The following FAM135B variants were observed in gnomAD, a reference collection of about 807,000 sequenced individuals.
The protein encoded by FAM135B is protein FAM135B.
A neutral mutation model predicts 127.7 loss-of-function variants in FAM135B; 43 were observed. The ratio of observed to expected loss-of-function variants is 0.34; its 90% CI spans 0.26 to 0.43. The LOEUF is 0.43. FAM135B is among the 20% of genes least tolerant of loss of function. The pLI, the probability that FAM135B is intolerant of heterozygous loss-of-function variation, is 1.00. For missense variants in FAM135B, 1,558 were observed against 1,725.6 expected (o/e 0.90, Z 1.72); for synonymous variants, 670 against 665.1 (o/e 1.01, Z -0.11).
intron 2 of FAM135B, among the ~76,000 whole-genome samples, chr8:138,341,457 CAG>C (rs1829041589): frequency 6.6e-6 from 1 of 152,140 alleles, no homozygotes; most frequent in Non-Finnish European, 1.5e-5. Context: ...TTAGTGGGTT[CAG>C]AGTTTCAGCT....
intron 8 of FAM135B, among the ~76,000 whole-genome samples, chr8:138,196,891 C>T (rs1816673680): frequency 6.6e-6 from 1 of 152,216 alleles, no homozygotes; most frequent in Non-Finnish European, 1.5e-5. Flanking sequence ...CTGAGCAACG[C>T]TTTTACCTCT....
intron 7 of FAM135B, among the ~76,000 whole-genome samples, chr8:138,233,272 C>T (rs115874210): frequency 0.012 from 1,824 of 152,252 alleles, 38 homozygotes; most frequent in African/African-American, 0.041. Context: ...TCTAAACTCA[C>T]CAAATTGTAG....
chr8:138,169,143 CTA>C (rs578178661), intron 11 of FAM135B, among the ~76,000 whole-genome samples: 13 of 151,968 alleles, frequency 8.6e-5, no homozygotes, highest in African/African-American at 3.1e-4. Context: ...TACATATTAA[CTA>C]TGATTTCATA....
intron 2 of FAM135B, among the ~76,000 whole-genome samples, chr8:138,352,074 T>C (rs1008851085): frequency 6.6e-6 from 1 of 152,162 alleles, no homozygotes. Flanking sequence ...CTGTGCATAA[T>C]ACTCTAGGTC....
In FAM135B at chr8:138,132,773, G is replaced by A. The variant is rs1167814007; in HGVS notation, c.4041C>T (p.Asn1347=). Residue 1347 remains asparagine, a synonymous_variant, in exon 20 of 20, where the codon AAC becomes AAT. Transcript: ENST00000395297. This position sits in a 1 kb window ranked among gnomAD's most constrained non-coding sequence, Gnocchi z 4.5. ...CTTCAACCAGAGGGCCCAGGAGGTT[G>A]TTGATCATTTCTGCATAAACTGGCC... ...HTGPVYAEMI[N]NLLGPLVEAK... is the part of the protein sequence containing the mutation. The A allele has an allele frequency of 6.2e-7, 1 of 1,614,144 alleles. No homozygotes were observed. Among genetic ancestry groups the A allele is most frequent in the Non-Finnish European group, 8.5e-7 (1 of 1,179,994 alleles).
chr8:138,306,374 G>A (rs1284640270), intron 3 of FAM135B, among the ~76,000 whole-genome samples: 1 of 150,156 alleles, frequency 6.7e-6, no homozygotes, highest in Non-Finnish European at 1.5e-5. Context: ...GGTGGAGGTT[G>A]TGGTGAGCCG....
chr8:138,168,008 G>C lies in FAM135B; in HGVS notation c.1145C>G (p.Ser382Trp), dbSNP rs567971711. ...HSQLSLDIRN[S>W]EYLTSMPPLP... ...CGGGGGCATGCTAGTGAGGTACTCC[G>C]AGTTCCGGATATCCAGGGACAGCTG... The change falls in exon 12 of 20, where the codon TCG becomes TGG. Residue 382 changes from serine (S) to tryptophan (W), a missense_variant. Transcript: ENST00000395297. 9 of 1,613,752 alleles carry C rather than the reference G, an allele frequency of 5.6e-6. No individual in the cohort carries two copies. Among genetic ancestry groups the C allele is most frequent in the Non-Finnish European group, 7.6e-6 (9 of 1,179,870 alleles).
intron 1 of FAM135B, among the ~76,000 whole-genome samples, chr8:138,392,511 C>A (rs1320314817): frequency 6.6e-6 from 1 of 152,170 alleles, no homozygotes; most frequent in Non-Finnish European, 1.5e-5. Flanking sequence ...ATACTGCAAT[C>A]AACCTGTCCA....
chr8:138,455,265 A>T (rs915767144), intron 1 of FAM135B, among the ~76,000 whole-genome samples: 11 of 152,224 alleles, frequency 7.2e-5, no homozygotes, highest in Non-Finnish European at 1.2e-4. Context: ...ATTCTCTTTC[A>T]TCATGGATAG....
intron 7 of FAM135B, among the ~76,000 whole-genome samples, chr8:138,218,506 G>T (rs1401723124): frequency 6.6e-6 from 1 of 152,186 alleles, no homozygotes; most frequent in African/African-American, 2.4e-5. Flanking sequence ...CCTTAGAAAA[G>T]ATTCCTGGCG....
intron 2 of FAM135B, among the ~76,000 whole-genome samples, chr8:138,343,598 C>T (rs535828408): frequency 2.6e-5 from 4 of 152,174 alleles, no homozygotes; most frequent in Admixed American, 6.5e-5. Context: ...CTGCTTTCAC[C>T]GCCAGTGCCC....
At chr8:138,198,214 A>G (rs1816820812) in intron 7 of FAM135B, among the ~76,000 whole-genome samples, 1 of 152,218 alleles carries the variant, frequency 6.6e-6, no homozygotes, top group African/African-American at 2.4e-5. Flanking sequence ...TCCCCTGCAC[A>G]TGCTCTCTTG....
chr8:138,188,482 A>G (rs918918125), intron 9 of FAM135B, among the ~76,000 whole-genome samples: 2 of 152,200 alleles, frequency 1.3e-5, no homozygotes, highest in African/African-American at 4.8e-5. Context: ...TGGTGTGAGG[A>G]AAGCCTCCAC....
At chr8:138,256,863 A>G in intron 4 of FAM135B, 104 bp from the exon 5 acceptor site, 1 of 827,340 alleles carries the variant, frequency 1.2e-6, no homozygotes, top group South Asian at 1.5e-5. Context: ...ATCTTGTCCA[A>G]AAATCAATGT....
At chr8:138,409,502 A>C (rs10111584) in intron 1 of FAM135B, among the ~76,000 whole-genome samples, 1 of 151,922 alleles carries the variant, frequency 6.6e-6, no homozygotes, top group Non-Finnish European at 1.5e-5. Flanking sequence ...AAAAAATAAA[A>C]GGTGCCAATA....
chr8:138,348,387 G>A (rs1018245463), intron 2 of FAM135B, among the ~76,000 whole-genome samples: 2 of 151,952 alleles, frequency 1.3e-5, no homozygotes, highest in Non-Finnish European at 2.9e-5. Context: ...CGCCCACCTC[G>A]GCCTCCCAAA....
intron 11 of FAM135B, among the ~76,000 whole-genome samples, chr8:138,172,265 C>A (rs1820531904): frequency 6.6e-6 from 1 of 152,150 alleles, no homozygotes; most frequent in South Asian, 2.1e-4. Context: ...CCCACCCCTG[C>A]CATCCCTGTA....
intron 2 of FAM135B, among the ~76,000 whole-genome samples, chr8:138,315,000 A>C (rs1311455695): frequency 6.6e-6 from 1 of 152,070 alleles, no homozygotes; most frequent in African/African-American, 2.4e-5. Context: ...CTTGAGAAAA[A>C]AGAAAAATGA....
intron 9 of FAM135B, among the ~76,000 whole-genome samples, chr8:138,188,468 T>A (rs1029001545): frequency 3.3e-5 from 5 of 152,086 alleles, no homozygotes; most frequent in Non-Finnish European, 1.5e-5. Context: ...GTTGGCAAGG[T>A]TGTTGGTGTG....
Sources: gnomAD v4.1 joint callset for allele counts (sites outside exome capture counted in the v4.1 genomes callset) on GRCh38, gnomAD v4.1.1 for gene constraint, Gnocchi (gnomAD v3.1) non-coding constraint, MANE v1.5 for transcripts, NCBI Gene and HGNC (gene_info 2026-07-23, HGNC 2026-07-21) for gene names.